Variants in EHMT1 observed in about 807,000 individuals in gnomAD.
EHMT1 encodes the protein euchromatic histone lysine methyltransferase 1.
EHMT1 carries 15 observed loss-of-function variants against 147.2 expected under a neutral mutation model. That is an observed-to-expected ratio of 0.10 (90% CI 0.07 to 0.16). The LOEUF is 0.16. Among genes scored for constraint, EHMT1 ranks in the 10% least tolerant of loss-of-function variants. The probability of loss-of-function intolerance (pLI) is 1.00; values close to 1 mark genes in which losing one functional copy is unlikely to be tolerated. For missense variants in EHMT1, 1,587 were observed against 1,772.4 expected (o/e 0.90, Z 1.88); for synonymous variants, 795 against 709.6 (o/e 1.12, Z -1.91).
intron 1 of EHMT1, among the ~76,000 whole-genome samples, chr9:137,701,292 G>GTT (rs535352472): frequency 1.9e-4 from 25 of 130,106 alleles, no homozygotes; most frequent in African/African-American, 5.0e-4. Flanking sequence ...TTTTTCTCTT[G>GTT]TTTTTTTTTG....
intron 23 of EHMT1, 101 bp downstream of exon 23, chr9:137,816,163 C>A: frequency 9.7e-7 from 1 of 1,033,096 alleles, no homozygotes; most frequent in Non-Finnish European, 1.5e-6. Flanking sequence ...TGTTTGGATG[C>A]ACGCACATGT....
intron 25 of EHMT1, 100 bp downstream of exon 25, chr9:137,818,238 C>G: frequency 7.4e-7 from 1 of 1,350,746 alleles, no homozygotes; most frequent in Non-Finnish European, 1.1e-6. Flanking sequence ...AGAGCTCTTA[C>G]TGTTGACAAG....
intron 25 of EHMT1, among the ~76,000 whole-genome samples, chr9:137,829,337 C>G (rs1956039435): frequency 6.6e-6 from 1 of 152,242 alleles, no homozygotes; most frequent in Non-Finnish European, 1.5e-5. Context: ...TGAAAATTTT[C>G]AGACATACCA....
Position 137,834,855 on chromosome 9 carries a change from A to G in EHMT1, c.3799A>G (p.Ser1267Gly). The G allele has an allele frequency of 6.2e-7, 1 of 1,611,908 alleles. No homozygotes were observed. Among genetic ancestry groups the G allele is most frequent in the Non-Finnish European group, 8.5e-7 (1 of 1,179,536 alleles). ...RCGSPKCRHS[S>G]AALAQRQASA... ...CGGCTCCCCCAAGTGCCGGCACTCG[A>G]GCGCGGCCCTGGCCCAGCGTCAGGC... is the stretch of plus-strand genomic sequence containing the variant. Residue 1267 changes from serine (S) to glycine (G), a missense_variant, in exon 27 of 27, where the codon AGC becomes GGC. By Grantham distance (56) the Ser-to-Gly change is moderately conservative. Coordinates refer to ENST00000460843, the MANE Select transcript of EHMT1 (RefSeq NM_024757.5).
At chr9:137,624,000 C>CT (rs34882647) in intron 1 of EHMT1, among the ~76,000 whole-genome samples, 2,375 of 131,514 alleles carry the variant, frequency 0.018, 36 homozygotes, top group Middle Eastern at 0.043. Context: ...TTCTTTCTTT[C>CT]TTTTTTTTTT....
At position 137,825,058 on chromosome 9, in the gene EHMT1, G is replaced by A. The variant is rs76226262; in HGVS notation, c.3540+6920G>A. On this transcript the variant is annotated intron_variant, in intron 25 of 26. Coordinates refer to ENST00000460843, the MANE Select transcript of EHMT1 (RefSeq NM_024757.5). ...TCAGGCCTTTTGTAAATGCTCCCTG[G>A]GTTGTCAGAATTCACTTCCTTGGCT... Among the ~76,000 whole-genome samples, 784 of 152,290 alleles carry A rather than the reference G, an allele frequency of 5.1e-3. 6 individuals carry two copies. Among genetic ancestry groups the A allele is most frequent in the African/African-American group, 0.018 (757 of 41,556 alleles).
chr9:137,669,233 G>A (rs1306982358), intron 1 of EHMT1, among the ~76,000 whole-genome samples: 1 of 151,350 alleles, frequency 6.6e-6, no homozygotes, highest in Non-Finnish European at 1.5e-5. Context: ...CTTCCCTCTC[G>A]CACCCTGCAC....
intron 6 of EHMT1, among the ~76,000 whole-genome samples, chr9:137,752,048 C>T (rs772327048): frequency 2.6e-5 from 4 of 152,234 alleles, no homozygotes; most frequent in Admixed American, 2.0e-4. Context: ...TGCCTCAGTC[C>T]GCACCAGGGC....
At chr9:137,749,929 C>T (rs189152223) in intron 6 of EHMT1, among the ~76,000 whole-genome samples, 2 of 152,328 alleles carry the variant, frequency 1.3e-5, no homozygotes, top group African/African-American at 2.4e-5. Context: ...GATGGTCAGT[C>T]GTGAAGCAAG....
chr9:137,683,693 A>G (rs1281117852), intron 1 of EHMT1, among the ~76,000 whole-genome samples: 1 of 152,206 alleles, frequency 6.6e-6, no homozygotes, highest in East Asian at 1.9e-4. Context: ...TTATCAGCGT[A>G]TTTGCACAGA....
intron 6 of EHMT1, 141 bp from the exon 7 acceptor site, chr9:137,752,190 G>T (rs1034695711): frequency 1.0e-6 from 1 of 997,858 alleles, no homozygotes. Context: ...GGCCGGCGGC[G>T]CCCCCGCCCC....
chr9:137,704,762 T>G (rs984365195), intron 1 of EHMT1, among the ~76,000 whole-genome samples: 1 of 148,570 alleles, frequency 6.7e-6, no homozygotes, highest in African/African-American at 2.6e-5. Flanking sequence ...TTTCCCTTCC[T>G]CCTGCCTTCC....
At chr9:137,649,051 G>T (rs557877923) in intron 1 of EHMT1, among the ~76,000 whole-genome samples, 3 of 152,282 alleles carry the variant, frequency 2.0e-5, no homozygotes, top group African/African-American at 7.2e-5. Context: ...GGGGAAACTG[G>T]GCATCAGTGG....
At chr9:137,747,084 G>C (rs777643975) in intron 6 of EHMT1, 2 of 152,174 alleles carry the variant, frequency 1.3e-5, no homozygotes, top group Non-Finnish European at 2.9e-5. Flanking sequence ...GAGAAGGATA[G>C]GAAAAGTACG....
rs372381630 is a variant in EHMT1, at chr9:137,744,782, G to A, written c.1170+692G>A. ...GCCAGGCGTGCTCTCTTCACAGACA[G>A]CCTCATCCTGTGTCCACCCAAGGAC... On this transcript the variant is annotated intron_variant, in intron 6 of 26. Coordinates refer to ENST00000460843, the MANE Select transcript of EHMT1 (RefSeq NM_024757.5). Among the ~76,000 whole-genome samples the A allele has an allele frequency of 2.0e-5, 3 of 152,258 alleles. No homozygotes were observed. In the East Asian group the frequency reaches 5.8e-4, roughly 29 times the overall value.
At position 137,762,726 on chromosome 9, in the gene EHMT1, C is replaced by T. The variant is rs1287556019; in HGVS notation, c.1553C>T (p.Pro518Leu). Residue 518 changes from proline to leucine, a missense_variant, in exon 10 of 27, where the codon CCT becomes CTT. Transcript: ENST00000460843. ...VLETDGLQEV[P>L]LCSCRMETPK... is the part of the protein sequence containing the mutation. ...GAGACAGACGGCCTCCAGGAAGTGC[C>T]TCTCTGCAGCTGCCGGATGGAAACA... 1.2e-6 allele frequency: 2 copies of T among 1,614,152 alleles called. No homozygotes were observed. Among genetic ancestry groups the T allele is most frequent in the Non-Finnish European group, 1.7e-6 (2 of 1,180,060 alleles).
chr9:137,668,286 T>A (rs1448248822), intron 1 of EHMT1, among the ~76,000 whole-genome samples: 1 of 151,896 alleles, frequency 6.6e-6, no homozygotes, highest in Non-Finnish European at 1.5e-5. Flanking sequence ...GTTTTCTTCC[T>A]CTTCCTCCAT....
chr9:137,820,265 G>A (rs2132860765), intron 25 of EHMT1, among the ~76,000 whole-genome samples: 1 of 152,348 alleles, frequency 6.6e-6, no homozygotes. Context: ...GTGGGGCTGA[G>A]CTCTCAAGGG....
chr9:137,772,984 T>G (rs1249862189), intron 10 of EHMT1, among the ~76,000 whole-genome samples: 1 of 152,220 alleles, frequency 6.6e-6, no homozygotes, highest in South Asian at 2.1e-4. Flanking sequence ...CGCAGCTCCC[T>G]TCTGTGTTTC....
Sources: gnomAD v4.1 joint callset for allele counts (sites outside exome capture counted in the v4.1 genomes callset) on GRCh38, gnomAD v4.1.1 for gene constraint, MANE v1.5 for transcripts, NCBI Gene and HGNC (gene_info 2026-07-23, HGNC 2026-07-21) for gene names.